Variants in EYA2 observed in about 807,000 individuals in gnomAD.
The protein encoded by EYA2 is protein phosphatase EYA2.
EYA2 carries 31 observed loss-of-function variants against 69.2 expected under a neutral mutation model. The ratio of observed to expected loss-of-function variants is 0.45; its 90% confidence interval spans 0.34 to 0.60. EYA2 has a LOEUF of 0.60. Ranked by LOEUF, EYA2 falls within the 20% of genes least tolerant of loss-of-function variation. The pLI is 0.02. For missense variants in EYA2, 622 were observed against 701.2 expected (o/e 0.89, Z 1.28); for synonymous variants, 257 against 279.4 (o/e 0.92, Z 0.80).
At chr20:47,159,978 G>A (rs1233846023) in intron 10 of EYA2, among the ~76,000 whole-genome samples, 1 of 150,710 alleles carries the variant, frequency 6.6e-6, no homozygotes, top group Non-Finnish European at 1.5e-5. Flanking sequence ...GGAGAGGGTA[G>A]GAGATGAGGT....
intron 1 of EYA2, among the ~76,000 whole-genome samples, chr20:46,915,162 C>T (rs1984841501): frequency 6.6e-6 from 1 of 152,228 alleles, no homozygotes; most frequent in African/African-American, 2.4e-5. Flanking sequence ...GCAGGCAGAA[C>T]AGTGTGTACT....
chr20:47,026,805 C>T (rs1415097765), intron 5 of EYA2, among the ~76,000 whole-genome samples: 2 of 152,226 alleles, frequency 1.3e-5, no homozygotes, highest in Non-Finnish European at 2.9e-5. Flanking sequence ...GGCTTCAGCC[C>T]ATTGCTGCCC....
intron 5 of EYA2, among the ~76,000 whole-genome samples, chr20:47,039,110 A>T (rs1232370616): frequency 2.0e-5 from 1 of 50,708 alleles, no homozygotes; most frequent in Admixed American, 2.1e-4. Context: ...AGATGTCGAA[A>T]TCACACACAC....
chr20:47,145,575 C>G (rs754038472), intron 10 of EYA2, among the ~76,000 whole-genome samples: 2 of 152,152 alleles, frequency 1.3e-5, no homozygotes, highest in African/African-American at 2.4e-5. Flanking sequence ...AAAGACCTCT[C>G]TGGCTGCTGT....
At chr20:46,929,100 G>A (rs779907825) in intron 1 of EYA2, among the ~76,000 whole-genome samples, 24 of 150,884 alleles carry the variant, frequency 1.6e-4, no homozygotes, top group Non-Finnish European at 3.2e-4. Context: ...CTCAGGGAAC[G>A]GTGGGGTGGG....
chr20:47,163,388 C>G (rs2034111117), intron 10 of EYA2, among the ~76,000 whole-genome samples: 3 of 152,058 alleles, frequency 2.0e-5, no homozygotes, highest in African/African-American at 7.2e-5. Context: ...GGAACCATTT[C>G]CATGTGCTAG....
intron 10 of EYA2, among the ~76,000 whole-genome samples, chr20:47,156,051 C>CAT (rs1334675635): frequency 2.3e-5 from 2 of 86,438 alleles, no homozygotes; most frequent in East Asian, 3.3e-4. Flanking sequence ...CACACACACA[C>CAT]ATATATATAC....
intron 1 of EYA2, among the ~76,000 whole-genome samples, chr20:46,917,966 T>A (rs1282796168): frequency 6.6e-6 from 1 of 152,178 alleles, no homozygotes; most frequent in Non-Finnish European, 1.5e-5. Flanking sequence ...GAAACATTTC[T>A]CTGTAGCATG....
intron 10 of EYA2, among the ~76,000 whole-genome samples, chr20:47,158,796 T>C (rs2034007584): frequency 1.3e-5 from 2 of 151,470 alleles, no homozygotes; most frequent in South Asian, 4.3e-4. Flanking sequence ...TGAAAAGAGT[T>C]CCCAATGGCC....
At chr20:47,168,592 G>A (rs2034254610) in intron 10 of EYA2, among the ~76,000 whole-genome samples, 1 of 151,838 alleles carries the variant, frequency 6.6e-6, no homozygotes, top group Admixed American at 6.5e-5. Context: ...CCTGGGGATA[G>A]TGCCTGGCAC....
chr20:47,029,784 G>A (rs187522753), intron 5 of EYA2, among the ~76,000 whole-genome samples: 14 of 151,942 alleles, frequency 9.2e-5, no homozygotes, highest in East Asian at 1.9e-4. Flanking sequence ...ATTGAACATC[G>A]TTAAATATTC....
At chr20:46,983,782 C>G (rs778436129) in intron 1 of EYA2, among the ~76,000 whole-genome samples, 1 of 152,160 alleles carries the variant, frequency 6.6e-6, no homozygotes, top group Non-Finnish European at 1.5e-5. Context: ...CTGGAAAACT[C>G]TAAGCTGTTG....
rs574823203 is a variant in EYA2, at chr20:47,175,335, T to G, written c.1198+2468T>G. Reference sequence around the variant, plus strand: ...AGAAAATGCTTAGTAAATCACCATCTAGGAGGCAGGGGTTGAAATCAGGGG... The same window carrying G: ...AGAAAATGCTTAGTAAATCACCATCGAGGAGGCAGGGGTTGAAATCAGGGG... On this transcript the variant is annotated intron_variant, in intron 12 of 15. Coordinates refer to ENST00000327619, the MANE Select transcript of EYA2 (RefSeq NM_005244.5). Among the ~76,000 whole-genome samples the G allele has an allele frequency of 7.9e-5, 12 of 152,278 alleles. No homozygotes were observed. The South Asian group carries it at 2.3e-3, about 29-fold the overall frequency.
chr20:46,929,418 G>C (rs368137857), intron 1 of EYA2, among the ~76,000 whole-genome samples: 1 of 19,928 alleles, frequency 5.0e-5, no homozygotes, highest in African/African-American at 8.3e-5. Context: ...CTGAGAAGGG[G>C]CTTTTTTTTT....
chr20:46,943,883 A>G (rs938630715), intron 1 of EYA2, among the ~76,000 whole-genome samples: 3 of 152,158 alleles, frequency 2.0e-5, no homozygotes, highest in African/African-American at 7.2e-5. Flanking sequence ...GCACACTTGT[A>G]TCTTTTCCTG....
At chr20:47,164,188 C>T (rs575103546) in intron 10 of EYA2, among the ~76,000 whole-genome samples, 12 of 152,318 alleles carry the variant, frequency 7.9e-5, no homozygotes, top group African/African-American at 1.9e-4. Context: ...GTGGCCTCTG[C>T]GCGGTCCAGC....
intron 5 of EYA2, among the ~76,000 whole-genome samples, chr20:47,069,117 T>C (rs1345390942): frequency 6.6e-6 from 1 of 152,182 alleles, no homozygotes; most frequent in Non-Finnish European, 1.5e-5. Context: ...TGGTGTTTAG[T>C]AGAAACTGAC....
chr20:47,022,800 G>T (rs1983836451), intron 5 of EYA2, among the ~76,000 whole-genome samples: 1 of 151,316 alleles, frequency 6.6e-6, no homozygotes, highest in Admixed American at 6.6e-5. Flanking sequence ...ACTAGCAGGT[G>T]CCTGCCACCA....
chr20:46,942,100 G>A (rs1445162562), intron 1 of EYA2, among the ~76,000 whole-genome samples: 1 of 152,212 alleles, frequency 6.6e-6, no homozygotes, highest in Non-Finnish European at 1.5e-5. Context: ...GGCAACGAAT[G>A]TTACTGAGTT....
Sources: allele counts gnomAD v4.1 joint callset (sites outside exome capture counted in the v4.1 genomes callset), GRCh38; gene constraint gnomAD v4.1.1; transcripts MANE v1.5; gene names NCBI Gene and HGNC (gene_info 2026-07-23, HGNC 2026-07-21).